Variants in PCDH15 observed in about 807,000 individuals in gnomAD.
The protein encoded by PCDH15 is protocadherin related 15, also known as protocadherin-15.
PCDH15 carries 129 observed loss-of-function variants against 178.5 expected under a neutral mutation model. That is an observed-to-expected ratio of 0.72 (90% CI 0.63 to 0.84). The LOEUF (loss-of-function observed/expected upper bound fraction) is 0.84, where lower values mean the gene tolerates loss of function less well. PCDH15 is among the 40% of genes least tolerant of loss of function. The pLI is 0.00. For synonymous variants in PCDH15, 800 were observed against 732.0 expected, an observed-to-expected ratio of 1.09 and a Z score of -1.50; for missense variants, 2,230 against 2,099.9, an observed-to-expected ratio of 1.06 and a Z score of -1.21.
chr10:55,434,589 C>T (rs1339844798), intron 2 of PCDH15, among the ~76,000 whole-genome samples: 1 of 146,908 alleles, frequency 6.8e-6, no homozygotes, highest in Non-Finnish European at 1.5e-5. Flanking sequence ...TTTAATTATT[C>T]AATTACAAAG....
chr10:55,456,266 A>T (rs1163332572), intron 2 of PCDH15, among the ~76,000 whole-genome samples: 2 of 151,992 alleles, frequency 1.3e-5, no homozygotes, highest in African/African-American at 4.8e-5. Flanking sequence ...TTGAAATATA[A>T]CAGGAAAATA....
chr10:55,183,141 A>G (rs1839698139), intron 1 of PCDH15, among the ~76,000 whole-genome samples: 1 of 152,030 alleles, frequency 6.6e-6, no homozygotes, highest in Non-Finnish European at 1.5e-5. Flanking sequence ...TTACTTATCT[A>G]ATGTCAAAAT....
chr10:54,981,779 T>C (rs1404524676), intron 2 of PCDH15, among the ~76,000 whole-genome samples: 1 of 151,972 alleles, frequency 6.6e-6, no homozygotes, highest in East Asian at 1.9e-4. Context: ...CCACCTCCTT[T>C]AATTAATTAA....
chr10:55,505,500 C>T (rs1202500430), intron 2 of PCDH15, among the ~76,000 whole-genome samples: 2 of 151,190 alleles, frequency 1.3e-5, no homozygotes, highest in Non-Finnish European at 3.0e-5. Flanking sequence ...AATAAAAATA[C>T]ACAGATGACT....
intron 9 of PCDH15, among the ~76,000 whole-genome samples, chr10:54,215,607 A>C (rs1285946115): frequency 6.6e-6 from 1 of 152,234 alleles, no homozygotes; most frequent in Non-Finnish European, 1.5e-5. Context: ...TGTGAGAGTG[A>C]GCAAACCTTT....
chr10:55,270,440 GA>G (rs150541568), intron 1 of PCDH15, among the ~76,000 whole-genome samples: 14 of 145,622 alleles, frequency 9.6e-5, no homozygotes, highest in African/African-American at 1.3e-4. Flanking sequence ...AAAACAAAAT[GA>G]AAAAAAAAAC....
Position 55,448,751 on chromosome 10 carries a change from T to C in PCDH15, c.-156+178874A>G, listed in dbSNP as rs188777773. Among the ~76,000 whole-genome samples, 115 of 152,148 alleles carry C rather than the reference T, an allele frequency of 7.6e-4. 2 individuals are homozygous for C. Among genetic ancestry groups the C allele is most frequent in the Non-Finnish European group, 7.5e-4 (51 of 67,908 alleles). On this transcript the variant is annotated intron_variant, in intron 2 of 5. Transcript: ENST00000613346. The stretch of plus-strand genomic sequence containing the variant: ...GTCCCACAATAGTTGGAAAAGTAAT[T>C]TATAAGAAAGCCAATATACTCAGAC...
At chr10:55,539,417 C>G (rs1163066913) in intron 2 of PCDH15, among the ~76,000 whole-genome samples, 1 of 151,588 alleles carries the variant, frequency 6.6e-6, no homozygotes, top group Non-Finnish European at 1.5e-5. Context: ...TTGTAATTCC[C>G]TCATATTTTA....
intron 1 of PCDH15, among the ~76,000 whole-genome samples, chr10:55,267,237 T>C (rs1438827512): frequency 1.3e-5 from 2 of 152,198 alleles, no homozygotes; most frequent in African/African-American, 4.8e-5. Flanking sequence ...TACATATATC[T>C]ACTTTTCTCT....
intron 2 of PCDH15, among the ~76,000 whole-genome samples, chr10:54,550,889 C>T (rs1356513924): frequency 6.6e-6 from 1 of 151,926 alleles, no homozygotes; most frequent in Non-Finnish European, 1.5e-5. Context: ...GGTGTAGTGG[C>T]TCACACCTGT....
rs962468080 is a variant in PCDH15 at position 53,806,497 on chromosome 10, A to C, written c.*82T>G. On this transcript the variant is annotated 3_prime_UTR_variant, in exon 38 of 38. Coordinates refer to ENST00000644397, the MANE Select transcript of PCDH15 (RefSeq NM_001384140.1). ...TGTGTGCATGATATAAATTCCATAC[A>C]TTGTTTTCTCAGTGACAATAAAAAG... is the stretch of plus-strand genomic sequence containing the variant. 1 of 1,197,180 alleles carries C rather than the reference A, an allele frequency of 8.4e-7. No individual in the cohort carries two copies. The highest frequency in any genetic ancestry group is 1.2e-6 in the Non-Finnish European group (1 of 865,484). The allele number at this position is 1,197,180 out of a possible 1,614,324, so 74.2% of individuals were successfully genotyped here. A position where few individuals can be genotyped will look rare whatever the true frequency, so the allele number is the denominator to read the frequency against.
At chr10:54,945,018 T>C (rs1304829120) in intron 2 of PCDH15, among the ~76,000 whole-genome samples, 1 of 151,918 alleles carries the variant, frequency 6.6e-6, no homozygotes, top group Non-Finnish European at 1.5e-5. Context: ...CTTTTTCATA[T>C]GTGTGTCATT....
At chr10:54,796,997 A>G (rs1564489122) in intron 1 of PCDH15, among the ~76,000 whole-genome samples, 1 of 151,996 alleles carries the variant, frequency 6.6e-6, no homozygotes, top group South Asian at 2.1e-4. Context: ...GCTCATTCTG[A>G]CACCTCCATG....
At chr10:53,862,048 G>A (rs1469648465) in intron 27 of PCDH15, among the ~76,000 whole-genome samples, 1 of 151,768 alleles carries the variant, frequency 6.6e-6, no homozygotes, top group East Asian at 1.9e-4. Context: ...TGTCTGTCTT[G>A]TACTTTTTTT....
At chr10:53,823,932 TTGAATGTATGCTAGA>T (rs1484147068) in intron 32 of PCDH15, 2 of 376,060 alleles carry the variant, frequency 5.3e-6, no homozygotes, top group African/African-American at 4.2e-5. Flanking sequence ...AATTGAGAAA[TTGAATGTATGCTAGA>T]ATTGTGACAG....
intron 18 of PCDH15, among the ~76,000 whole-genome samples, chr10:54,032,008 T>C (rs906002579): frequency 1.1e-4 from 17 of 152,002 alleles, no homozygotes; most frequent in South Asian, 4.1e-4. Flanking sequence ...AGTGTGTATA[T>C]ACCTCTTTAT....
At chr10:54,331,025 G>C (rs1473906035) in intron 6 of PCDH15, among the ~76,000 whole-genome samples, 1 of 151,620 alleles carries the variant, frequency 6.6e-6, no homozygotes, top group Non-Finnish European at 1.5e-5. Context: ...GAAGAGAAAG[G>C]GAAGGGGAAG....
chr10:55,596,879 C>T (rs1219361308), intron 2 of PCDH15, among the ~76,000 whole-genome samples: 2 of 151,870 alleles, frequency 1.3e-5, no homozygotes, highest in Non-Finnish European at 2.9e-5. Context: ...GTTTGTACAG[C>T]AAAAACAGAG....
At chr10:55,280,133 T>C (rs1842690098) in intron 1 of PCDH15, among the ~76,000 whole-genome samples, 1 of 152,028 alleles carries the variant, frequency 6.6e-6, no homozygotes, top group Non-Finnish European at 1.5e-5. Flanking sequence ...TTTGGCAAAT[T>C]GAAATTTCAT....
Sources: gnomAD v4.1 joint callset for allele counts (sites outside exome capture counted in the v4.1 genomes callset) on GRCh38, gnomAD v4.1.1 for gene constraint, MANE v1.5 for transcripts, NCBI Gene and HGNC (gene_info 2026-07-23, HGNC 2026-07-21) for gene names.